The following DOK6 variants were observed in gnomAD, a reference collection of about 807,000 sequenced individuals.
The protein encoded by DOK6 is docking protein 6.
In DOK6, 22 loss-of-function variants were observed where a neutral mutation model predicts 44.0. The ratio of observed to expected loss-of-function variants is 0.50; its 90% CI spans 0.36 to 0.71. The LOEUF is 0.71. DOK6 is among the 30% of genes least tolerant of loss of function. DOK6 has a pLI of 0.00. For synonymous variants in DOK6, 166 were observed against 145.5 expected (o/e 1.14, Z -1.01); for missense variants, 340 against 416.4 (o/e 0.82, Z 1.60).
intron 1 of DOK6, among the ~76,000 whole-genome samples, chr18:69,551,384 G>T (rs962318410): frequency 3.9e-5 from 6 of 152,258 alleles, no homozygotes; most frequent in Middle Eastern, 3.4e-3. Context: ...TTGAAATGTG[G>T]TGTTCTGCAA....
chr18:69,504,017 G>A (rs1981117529), intron 1 of DOK6, among the ~76,000 whole-genome samples: 1 of 152,000 alleles, frequency 6.6e-6, no homozygotes. Context: ...AGCATCCTCA[G>A]CTATATCTTC....
intron 1 of DOK6, among the ~76,000 whole-genome samples, chr18:69,544,067 G>T (rs1982336916): frequency 6.7e-6 from 1 of 149,196 alleles, no homozygotes; most frequent in Non-Finnish European, 1.5e-5. Context: ...GACCAGCCTG[G>T]CCAACATAGT....
chr18:69,790,862 T>A (rs1228803146), intron 7 of DOK6, among the ~76,000 whole-genome samples: 1 of 152,128 alleles, frequency 6.6e-6, no homozygotes, highest in African/African-American at 2.4e-5. Flanking sequence ...TGTTGTGCTA[T>A]CAAATACTAG....
chr18:69,582,620 G>C (rs1257961510), intron 2 of DOK6, among the ~76,000 whole-genome samples: 1 of 151,900 alleles, frequency 6.6e-6, no homozygotes, highest in Non-Finnish European at 1.5e-5. Flanking sequence ...TATCATCAGT[G>C]GTTTCTATAA....
intron 3 of DOK6, among the ~76,000 whole-genome samples, chr18:69,633,305 G>A (rs1360014462): frequency 1.3e-5 from 2 of 152,136 alleles, no homozygotes; most frequent in Non-Finnish European, 2.9e-5. Flanking sequence ...GAAAATCATG[G>A]TAAGATAGTT....
rs1380816021 is a variant in DOK6, at chr18:69,401,231, C to G, written c.-14C>G. On this transcript the variant is annotated 5_prime_UTR_variant, in exon 1 of 8. Transcript: ENST00000382713. ...GAGCGGATCGCGGGGCGCAGGAGCCCGATCGCGCTGGCCATGGCCTCCAAC... is the reference window on the plus strand; with the variant it reads ...GAGCGGATCGCGGGGCGCAGGAGCCGGATCGCGCTGGCCATGGCCTCCAAC... 5 of 1,555,902 alleles carry G rather than the reference C, an allele frequency of 3.2e-6. No individual in the cohort carries two copies. Among genetic ancestry groups the G allele is most frequent in the South Asian group, 1.2e-5 (1 of 85,082 alleles).
intron 1 of DOK6, among the ~76,000 whole-genome samples, chr18:69,510,212 T>G (rs1311216679): frequency 6.6e-6 from 1 of 152,256 alleles, no homozygotes; most frequent in African/African-American, 2.4e-5. Flanking sequence ...TACAAGTTTA[T>G]TACACTGAAT....
At chr18:69,707,048 C>T (rs1371862061) in intron 5 of DOK6, among the ~76,000 whole-genome samples, 2 of 152,016 alleles carry the variant, frequency 1.3e-5, no homozygotes. Context: ...GGGTATATAC[C>T]CAGTAATGGG....
intron 3 of DOK6, among the ~76,000 whole-genome samples, chr18:69,623,224 C>G (rs1441771051): frequency 2.0e-5 from 3 of 152,092 alleles, no homozygotes. Context: ...TGAGGCCTCC[C>G]CAGAAGCAGA....
intron 3 of DOK6, among the ~76,000 whole-genome samples, chr18:69,648,176 T>C (rs535269666): frequency 6.6e-6 from 1 of 152,338 alleles, no homozygotes; most frequent in South Asian, 2.1e-4. Flanking sequence ...CAGGTCTTCA[T>C]TAATATTTTA....
At chr18:69,611,413 AT>A (rs1460737122) in intron 3 of DOK6, among the ~76,000 whole-genome samples, 1 of 151,928 alleles carries the variant, frequency 6.6e-6, no homozygotes, top group Non-Finnish European at 1.5e-5. Context: ...TTCTCATAAA[AT>A]TAAACATGAA....
intron 7 of DOK6, among the ~76,000 whole-genome samples, chr18:69,835,929 T>C (rs1320141877): frequency 6.6e-6 from 1 of 152,244 alleles, no homozygotes; most frequent in Admixed American, 6.5e-5. Context: ...GGGATCTTTC[T>C]GACTTTCTAC....
intron 2 of DOK6, among the ~76,000 whole-genome samples, chr18:69,593,033 C>G (rs916937959): frequency 5.9e-5 from 9 of 151,938 alleles, no homozygotes; most frequent in Non-Finnish European, 8.8e-5. Context: ...AGATCTTGTC[C>G]TAAATTTTCA....
rs1982354063 is a variant in DOK6, at chr18:69,846,804, T to C, written c.*5421T>C. The C allele has an allele frequency of 6.6e-6, 1 of 152,166 alleles. No individual in the cohort carries two copies. Among genetic ancestry groups the C allele is most frequent in the South Asian group, 2.1e-4 (1 of 4,830 alleles). The allele number at this position is 152,166 out of a possible 1,614,324, so 9.4% of individuals were successfully genotyped here. The stretch of plus-strand genomic sequence containing the variant: ...CAACTTTGTTGCATAATTGATAACA[T>C]CAGGGCTACATTTTTTTCATGTGAG... On this transcript the variant is annotated 3_prime_UTR_variant, in exon 8 of 8. Coordinates refer to ENST00000382713, the MANE Select transcript of DOK6 (RefSeq NM_152721.6).
chr18:69,713,542 C>T (rs1437640999), intron 5 of DOK6, among the ~76,000 whole-genome samples: 1 of 152,104 alleles, frequency 6.6e-6, no homozygotes, highest in Non-Finnish European at 1.5e-5. Context: ...GGCTTCAGGA[C>T]CCCTCTGTTA....
At chr18:69,616,810 G>A (rs1984295197) in intron 3 of DOK6, among the ~76,000 whole-genome samples, 1 of 152,080 alleles carries the variant, frequency 6.6e-6, no homozygotes, top group South Asian at 2.1e-4. Context: ...CTAAGCCCTC[G>A]ATAATTGGGT....
At chr18:69,523,839 T>C (rs764409199) in intron 1 of DOK6, among the ~76,000 whole-genome samples, 1 of 152,018 alleles carries the variant, frequency 6.6e-6, no homozygotes, top group African/African-American at 2.4e-5. Context: ...TTACTTAAAG[T>C]AATGGTTACA....
intron 5 of DOK6, among the ~76,000 whole-genome samples, chr18:69,701,945 A>G (rs924916620): frequency 6.6e-6 from 1 of 152,154 alleles, no homozygotes; most frequent in Non-Finnish European, 1.5e-5. Context: ...TGCATAACCA[A>G]GTGGTTAAGA....
At chr18:69,489,537 C>T (rs1425267160) in intron 1 of DOK6, among the ~76,000 whole-genome samples, 1 of 152,078 alleles carries the variant, frequency 6.6e-6, no homozygotes, top group Non-Finnish European at 1.5e-5. Context: ...GGGAAGGGGT[C>T]CAAAATACCA....
Sources: gnomAD v4.1 joint callset for allele counts (sites outside exome capture counted in the v4.1 genomes callset) on GRCh38, gnomAD v4.1.1 for gene constraint, MANE v1.5 for transcripts, NCBI Gene and HGNC (gene_info 2026-07-23, HGNC 2026-07-21) for gene names.